The following NFILZ variants were observed in gnomAD, a reference collection of about 807,000 sequenced individuals.
NFILZ encodes the protein NFIL3 like basic leucine zipper, also known as NFIL3 like protein.
rs1043441175 is a variant in NFILZ, at chr19:8,680,314, C to G, written c.*2679C>G. Among the ~76,000 whole-genome samples the G allele has an allele frequency of 6.6e-6, 1 of 151,332 alleles. No individual in the cohort carries two copies. The highest frequency in any genetic ancestry group is 2.4e-5 in the African/African-American group (1 of 41,234). On this transcript the variant is annotated 3_prime_UTR_variant, in exon 6 of 6. Transcript: ENST00000691075. ...ATAACAGCATTTTCATTCATTCATT[C>G]ATTCATTCATTCATTTTTTAATTCA... is the stretch of plus-strand genomic sequence containing the variant.
chr19:8,649,880 T>C (rs2146146287), intron 3 of NFILZ, among the ~76,000 whole-genome samples: 2 of 151,512 alleles, frequency 1.3e-5, no homozygotes, highest in South Asian at 4.2e-4. Context: ...TTTGGGAGGC[T>C]GAAATGGGCA....
Position 8,644,635 on chromosome 19 carries a change from AT to A in NFILZ, c.-164+8899del, listed in dbSNP as rs373046322. On this transcript the variant is annotated intron_variant, in intron 3 of 5. Coordinates refer to ENST00000691075, the MANE Select transcript of NFILZ (RefSeq NM_001378600.1). ...GCTACCATGCCTGGCTATTAAAAGA[AT>A]TTTTTTTTTGTAGAGATGGGGGTCT... 8.3e-3 allele frequency among the ~76,000 whole-genome samples: 1,218 copies of A among 147,404 alleles called. 17 individuals carry two copies. Among genetic ancestry groups the A allele is most frequent in the African/African-American group, 0.029 (1,155 of 40,040 alleles).
intron 3 of NFILZ, among the ~76,000 whole-genome samples, chr19:8,647,576 A>AC (rs71179874): frequency 0.047 from 5,114 of 107,822 alleles, 130 homozygotes; most frequent in Non-Finnish European, 0.058. Flanking sequence ...CTGTCCCCGC[A>AC]CCCCCCCCCC....
intron 3 of NFILZ, among the ~76,000 whole-genome samples, chr19:8,665,032 G>A (rs1181552760): frequency 1.3e-5 from 2 of 151,958 alleles, no homozygotes; most frequent in Non-Finnish European, 2.9e-5. Context: ...TGGACCACAC[G>A]GAGCACACCC....
intron 3 of NFILZ, among the ~76,000 whole-genome samples, chr19:8,653,959 TG>T (rs1403719465): frequency 1.3e-5 from 2 of 152,230 alleles, no homozygotes; most frequent in Non-Finnish European, 2.9e-5. Context: ...CCAGGCGTGG[TG>T]GCTTACACTT....
At chr19:8,640,177 G>A (rs1174858550) in intron 3 of NFILZ, among the ~76,000 whole-genome samples, 1 of 152,130 alleles carries the variant, frequency 6.6e-6, no homozygotes, top group Non-Finnish European at 1.5e-5. Context: ...TGGGGCCAGT[G>A]CTTTGCGGGT....
At chr19:8,670,849 G>A (rs782055091) in intron 3 of NFILZ, among the ~76,000 whole-genome samples, 7 of 152,140 alleles carry the variant, frequency 4.6e-5, no homozygotes, top group African/African-American at 1.7e-4. Context: ...ACAAAAATTA[G>A]TCAGGCGTGG....
At chr19:8,656,459 T>TCC (rs2043001522) in intron 3 of NFILZ, among the ~76,000 whole-genome samples, 8 of 66,078 alleles carry the variant, frequency 1.2e-4, no homozygotes, top group East Asian at 5.7e-4. Flanking sequence ...GCCCACCTTC[T>TCC]CTCTGAAGCC....
intron 3 of NFILZ, among the ~76,000 whole-genome samples, chr19:8,666,476 A>G (rs1343682045): frequency 6.6e-6 from 1 of 151,744 alleles, no homozygotes. Context: ...TGCCCAGCCT[A>G]TGCCAGGTAT....
At chr19:8,647,789 G>GCACACACACACACA (rs1305749598) in intron 3 of NFILZ, among the ~76,000 whole-genome samples, 1 of 107,934 alleles carries the variant, frequency 9.3e-6, no homozygotes, top group African/African-American at 3.9e-5. Flanking sequence ...GCGCGCGCGC[G>GCACACACACACACA]CGCGCGCACA....
intron 3 of NFILZ, among the ~76,000 whole-genome samples, chr19:8,658,119 C>T (rs1555748687): frequency 6.6e-6 from 1 of 152,190 alleles, no homozygotes; most frequent in Non-Finnish European, 1.5e-5. Flanking sequence ...TGAGGCAGGA[C>T]AGTGCCTGGT....
intron 3 of NFILZ, among the ~76,000 whole-genome samples, chr19:8,639,632 T>C (rs1234669331): frequency 6.6e-6 from 1 of 151,382 alleles, no homozygotes; most frequent in Non-Finnish European, 1.5e-5. Flanking sequence ...CAGAAAGTAC[T>C]CAAGCTTTTA....
intron 3 of NFILZ, among the ~76,000 whole-genome samples, chr19:8,638,844 GTTT>G (rs541846743): frequency 7.4e-6 from 1 of 135,594 alleles, no homozygotes; most frequent in African/African-American, 2.8e-5. Flanking sequence ...TTACTTTGCT[GTTT>G]TTTTTTTTTT....
rs1395049159 is a variant in NFILZ, at chr19:8,678,344, C to G, written c.*709C>G. ...TATCTAGCCATCCATTCTCATTCAT[C>G]CATGCATTTGTTTTTCCTTCTATCT... On this transcript the variant is annotated 3_prime_UTR_variant, in exon 6 of 6. Transcript: ENST00000691075. Among the ~76,000 whole-genome samples the G allele has an allele frequency of 1.3e-5, 2 of 150,920 alleles. No individual in the cohort carries two copies. Among genetic ancestry groups the G allele is most frequent in the African/African-American group, 4.9e-5 (2 of 41,072 alleles).
At position 8,652,558 on chromosome 19, in the gene NFILZ, T is replaced by A. The variant is rs116526260; in HGVS notation, c.-164+16812T>A. On this transcript the variant is annotated intron_variant, in intron 3 of 5. Coordinates refer to ENST00000691075, the MANE Select transcript of NFILZ (RefSeq NM_001378600.1). ...TACGCTTTAAAATTTGTTCATTGTT[T>A]TCACGCTAAAGAATGAGGCAAGAAA... 7.5e-3 allele frequency among the ~76,000 whole-genome samples: 1,145 copies of A among 152,336 alleles called. 14 individuals carry two copies. The highest frequency in any genetic ancestry group is 0.026 in the African/African-American group (1,095 of 41,578).
At chr19:8,634,709 C>T (rs1165756348) in intron 2 of NFILZ, among the ~76,000 whole-genome samples, 1 of 151,812 alleles carries the variant, frequency 6.6e-6, no homozygotes, top group African/African-American at 2.4e-5. Flanking sequence ...GACCTTGTCT[C>T]TACAAAAAAC....
chr19:8,648,906 C>T (rs2042953773), intron 3 of NFILZ, among the ~76,000 whole-genome samples: 1 of 151,390 alleles, frequency 6.6e-6, no homozygotes, highest in South Asian at 2.1e-4. Context: ...TTCAGGAAGC[C>T]CCTATCTTTT....
chr19:8,646,288 C>T (rs781878569), intron 3 of NFILZ, among the ~76,000 whole-genome samples: 14 of 152,100 alleles, frequency 9.2e-5, no homozygotes, highest in Admixed American at 9.2e-4. Flanking sequence ...CTGCCCACCT[C>T]GGCCTCCCAA....
In NFILZ at chr19:8,652,787, C is replaced by T. The variant is rs543219401; in HGVS notation, c.-164+17041C>T. On this transcript the variant is annotated intron_variant, in intron 3 of 5. Coordinates refer to ENST00000691075, the MANE Select transcript of NFILZ (RefSeq NM_001378600.1). The stretch of plus-strand genomic sequence containing the variant: ...TTTCTTTTTTTCCTTTCTTTCTTTT[C>T]TTTCTTTCTTTCCCTCCCTCCTTCT... Among the ~76,000 whole-genome samples the T allele has an allele frequency of 1.3e-4, 19 of 150,738 alleles. No homozygotes were observed. In the South Asian group the frequency reaches 4.0e-3, roughly 32 times the overall value.
Sources: gnomAD v4.1 joint callset for allele counts (sites outside exome capture counted in the v4.1 genomes callset) on GRCh38, gnomAD v4.1.1 for gene constraint, MANE v1.5 for transcripts, NCBI Gene and HGNC (gene_info 2026-07-23, HGNC 2026-07-21) for gene names.